The following UHRF2 variants were observed in gnomAD, a reference collection of about 807,000 sequenced individuals.
UHRF2 encodes ubiquitin like with PHD and ring finger domains 2, also known as E3 ubiquitin-protein ligase UHRF2.
In UHRF2, 23 loss-of-function variants were observed where a neutral mutation model predicts 96.8. The observed-to-expected ratio is 0.24, with a 90% CI of 0.17 to 0.34. The LOEUF is 0.34. UHRF2 is among the 10% of genes least tolerant of loss of function. UHRF2 has a pLI of 1.00. For synonymous variants in UHRF2, 385 were observed against 332.6 expected (o/e 1.16, Z -1.72); for missense variants, 685 against 981.5 (o/e 0.70, Z 4.04).
intron 4 of UHRF2, among the ~76,000 whole-genome samples, chr9:6,462,790 G>A (rs1451077436): frequency 6.6e-6 from 1 of 152,140 alleles, no homozygotes; most frequent in East Asian, 1.9e-4. Flanking sequence ...AGTGGCACGT[G>A]CCTGTAGTCC....
chr9:6,475,325 A>C (rs1823501807), intron 4 of UHRF2, 66 bp from the exon 5 acceptor site: 2 of 941,998 alleles, frequency 2.1e-6, no homozygotes, highest in Non-Finnish European at 3.0e-6. Context: ...ACTGGCTTTT[A>C]ATTATTATTT....
Position 6,497,198 on chromosome 9 carries a change from G to A in UHRF2, c.1605G>A (p.Arg535=), listed in dbSNP as rs1375764510. 2 of 1,611,512 alleles carry A rather than the reference G, an allele frequency of 1.2e-6. No individual in the cohort carries two copies. Among genetic ancestry groups the A allele is most frequent in the Non-Finnish European group, 1.7e-6 (2 of 1,179,038 alleles). The change falls in exon 11 of 16, where the codon AGG becomes AGA. Residue 535 remains arginine (R), a splice_region_variant and synonymous_variant. Transcript: ENST00000276893. ...SADQTLTNMN[R]ALALNCDAPL... ...TAAAGACTTCTTTGTTGTTTTTTAG[G>A]GCATTGGCCCTAAACTGTGATGCTC...
chr9:6,439,516 G>A (rs1271489910), intron 3 of UHRF2, among the ~76,000 whole-genome samples: 1 of 152,180 alleles, frequency 6.6e-6, no homozygotes, highest in African/African-American at 2.4e-5. Context: ...CAACTTTGTG[G>A]TTCACACCTT....
At chr9:6,475,575 T>C (rs1823518094) in intron 5 of UHRF2, 75 bp downstream of exon 5, 7 of 737,778 alleles carry the variant, frequency 9.5e-6, no homozygotes, top group African/African-American at 1.8e-5. Flanking sequence ...GGTCAGTGAA[T>C]AACTTGGAAG....
intron 6 of UHRF2, among the ~76,000 whole-genome samples, chr9:6,479,249 C>A (rs1187195887): frequency 6.6e-6 from 1 of 152,174 alleles, no homozygotes; most frequent in African/African-American, 2.4e-5. Flanking sequence ...TCTAGCTTTC[C>A]TTCCACTGTA....
intron 2 of UHRF2, among the ~76,000 whole-genome samples, chr9:6,422,370 T>G (rs1819977959): frequency 6.6e-6 from 1 of 152,136 alleles, no homozygotes; most frequent in African/African-American, 2.4e-5. Context: ...CTGAGTACTG[T>G]AGCCTTATAG....
intron 9 of UHRF2, among the ~76,000 whole-genome samples, chr9:6,487,803 C>G (rs1824399771): frequency 6.6e-6 from 1 of 152,202 alleles, no homozygotes; most frequent in South Asian, 2.1e-4. Flanking sequence ...TGCCCATCCT[C>G]TATAGAGCTT....
intron 4 of UHRF2, among the ~76,000 whole-genome samples, chr9:6,466,551 G>GACAAAAAAAAAAAA (rs1822870247): frequency 9.0e-6 from 1 of 110,950 alleles, no homozygotes; most frequent in Admixed American, 1.0e-4. Flanking sequence ...AAAAAAAAAG[G>GACAAAAAAAAAAAA]AAAAAAAAAA....
At chr9:6,492,990 T>C (rs1400700269) in intron 9 of UHRF2, 3 of 152,198 alleles carry the variant, frequency 2.0e-5, no homozygotes, top group African/African-American at 7.2e-5. Context: ...GGAACTTAAC[T>C]ATGCTGTTAG....
intron 3 of UHRF2, among the ~76,000 whole-genome samples, chr9:6,437,429 C>T (rs1222107779): frequency 2.6e-5 from 4 of 152,070 alleles, no homozygotes; most frequent in Admixed American, 1.3e-4. Context: ...TACGGGGTTT[C>T]ACCGTGTTGG....
At chr9:6,446,226 C>T (rs1228592600) in intron 3 of UHRF2, among the ~76,000 whole-genome samples, 1 of 151,832 alleles carries the variant, frequency 6.6e-6, no homozygotes, top group Non-Finnish European at 1.5e-5. Context: ...TCTTGCCTCA[C>T]TGCAACCTCC....
At chr9:6,452,543 A>G (rs1185256414) in intron 3 of UHRF2, among the ~76,000 whole-genome samples, 1 of 152,212 alleles carries the variant, frequency 6.6e-6, no homozygotes, top group African/African-American at 2.4e-5. Flanking sequence ...GTGTGATCCT[A>G]AAGATGGGGA....
chr9:6,448,106 C>G lies in UHRF2; in HGVS notation c.645-12467C>G, dbSNP rs962348788. 2.0e-5 allele frequency among the ~76,000 whole-genome samples: 3 copies of G among 152,274 alleles called. 1 individual carries two copies. Among genetic ancestry groups the G allele is most frequent in the South Asian group, 4.1e-4 (2 of 4,824 alleles). ...GCGTAAAGCCTACAAAGCCTACAAT[C>G]TGGACAAAGCAAGGTGTCCAGATTG... is the stretch of plus-strand genomic sequence containing the variant. On this transcript the variant is annotated intron_variant, in intron 3 of 15. Coordinates refer to ENST00000276893, the MANE Select transcript of UHRF2 (RefSeq NM_152896.3).
At chr9:6,494,586 A>G (rs1824856953) in intron 10 of UHRF2, 1 of 152,212 alleles carries the variant, frequency 6.6e-6, no homozygotes, top group Non-Finnish European at 1.5e-5. Context: ...GTTTTATTTT[A>G]TAAATGCATG....
rs902870364 is a variant in UHRF2 at position 6,450,315 on chromosome 9, C to A, written c.645-10258C>A. Among the ~76,000 whole-genome samples, 105 of 139,878 alleles carry A rather than the reference C, an allele frequency of 7.5e-4. 1 individual carries two copies. Among genetic ancestry groups the A allele is most frequent in the Non-Finnish European group, 1.3e-3 (85 of 64,848 alleles). The allele number at this position is 139,878 out of a possible 152,430, so 91.8% of individuals were successfully genotyped here. Reference sequence around the variant, plus strand: ...AGATTTCTTCCCCTTCCCCCCCCCCCATTTATTTAAATAAACTGTGTCATT... The same window carrying A: ...AGATTTCTTCCCCTTCCCCCCCCCCAATTTATTTAAATAAACTGTGTCATT... On this transcript the variant is annotated intron_variant, in intron 3 of 15. Transcript: ENST00000276893.
At chr9:6,497,139 C>G (rs1825017164) in intron 10 of UHRF2, 59 bp from the exon 11 acceptor site, 6 of 1,506,880 alleles carry the variant, frequency 4.0e-6, no homozygotes, top group African/African-American at 2.8e-5. Context: ...GAGCTAATGA[C>G]TCGATTGTGT....
chr9:6,435,641 C>T (rs1412330358), intron 3 of UHRF2, among the ~76,000 whole-genome samples: 1 of 152,144 alleles, frequency 6.6e-6, no homozygotes, highest in Non-Finnish European at 1.5e-5. Flanking sequence ...GAGTCTTGCT[C>T]TGTCACCCAG....
Position 6,477,786 on chromosome 9 carries a change from A to G in UHRF2, c.1138A>G (p.Lys380Glu). 6.2e-7 allele frequency: 1 copy of G among 1,608,792 alleles called. No individual in the cohort carries two copies. Among genetic ancestry groups the G allele is most frequent in the Non-Finnish European group, 8.5e-7 (1 of 1,176,264 alleles). ...TTACTGTCTGAATCCACCTTTGGAT[A>G]AAGTCCCAGAAGAGGAATACTGGTA... The part of the protein sequence containing the change: ...HIYCLNPPLD[K>E]VPEEEYWYCP... Residue 380 changes from lysine (K) to glutamate (E), a missense_variant, in exon 6 of 16, where the codon AAA (lysine) becomes GAA (glutamate). Lys to Glu is a moderately conservative substitution (Grantham distance 56, BLOSUM62 1). This residue lies in a region of UHRF2 where 391 missense variants were observed against 437.0 expected (regional missense o/e 0.89). Transcript: ENST00000276893.
Position 6,499,935 on chromosome 9 carries a change from G to T in UHRF2, c.2005+4G>T. ...ACAAAAAGGCCAATTTCAGATGGTA[G>T]GTAATGATTGCAAAATATAAATAAT... On this transcript the variant is annotated splice_donor_region_variant and intron_variant, in intron 13 of 15. Coordinates refer to ENST00000276893, the MANE Select transcript of UHRF2 (RefSeq NM_152896.3). 6.3e-7 allele frequency: 1 copy of T among 1,593,592 alleles called. No homozygotes were observed. The highest frequency in any genetic ancestry group is 1.1e-5 in the South Asian group (1 of 90,050).
Sources: gnomAD v4.1 joint callset for allele counts (sites outside exome capture counted in the v4.1 genomes callset) on GRCh38, gnomAD v4.1.1 for gene constraint, gnomAD v4.1.1 regional missense constraint, MANE v1.5 for transcripts, NCBI Gene and HGNC (gene_info 2026-07-23, HGNC 2026-07-21) for gene names.